ARB2A: variants seen among roughly 807,000 people sequenced by gnomAD.
The protein encoded by ARB2A is cotranscriptional regulator ARB2A.
the ARB2A span, among the ~76,000 whole-genome samples, chr5:94,035,501 T>C: frequency 1.3e-5 from 2 of 152,180 alleles, no homozygotes; most frequent in African/African-American, 4.8e-5. Context: ...ATTGCACCAC[T>C]ATCAATGTAA....
At chr5:93,687,786 T>A in the ARB2A span, among the ~76,000 whole-genome samples, 9 of 152,036 alleles carry the variant, frequency 5.9e-5, no homozygotes, top group Non-Finnish European at 1.3e-4. Flanking sequence ...TCACTTGAAT[T>A]TTTTTTAGAA....
At chr5:94,063,440 C>T in the ARB2A span, among the ~76,000 whole-genome samples, 3 of 152,212 alleles carry the variant, frequency 2.0e-5, no homozygotes, top group Non-Finnish European at 4.4e-5. Flanking sequence ...AGTCCTACTA[C>T]TGCTACTACC....
At chr5:93,769,638 C>T in the ARB2A span, among the ~76,000 whole-genome samples, 2 of 152,136 alleles carry the variant, frequency 1.3e-5, no homozygotes, top group Non-Finnish European at 2.9e-5. Context: ...AATGTTGATG[C>T]CAGCTTCTAA....
At chr5:93,758,604 T>C in the ARB2A span, among the ~76,000 whole-genome samples, 1 of 152,136 alleles carries the variant, frequency 6.6e-6, no homozygotes, top group East Asian at 1.9e-4. Context: ...TTCAAAACCA[T>C]GCAAATACAT....
chr5:94,056,562 A>T, the ARB2A span, among the ~76,000 whole-genome samples: 2 of 152,200 alleles, frequency 1.3e-5, no homozygotes, highest in African/African-American at 2.4e-5. Flanking sequence ...TATAACCTAA[A>T]TATGCATCAG....
the ARB2A span, among the ~76,000 whole-genome samples, chr5:93,947,942 T>G: frequency 6.6e-6 from 1 of 152,056 alleles, no homozygotes; most frequent in African/African-American, 2.4e-5. Context: ...TTCCAAGTCT[T>G]TGCTATTGTG....
chr5:93,875,143 C>T, the ARB2A span, among the ~76,000 whole-genome samples: 1 of 152,228 alleles, frequency 6.6e-6, no homozygotes, highest in East Asian at 1.9e-4. Context: ...CATCATTCTA[C>T]TTTTCAGACA....
chr5:93,746,619 T>A, the ARB2A span, among the ~76,000 whole-genome samples: 1 of 152,108 alleles, frequency 6.6e-6, no homozygotes, highest in South Asian at 2.1e-4. Context: ...ATGACACAAA[T>A]ATGACACAAC....
the ARB2A span, among the ~76,000 whole-genome samples, chr5:93,808,121 G>A: frequency 6.6e-6 from 1 of 151,920 alleles, no homozygotes; most frequent in African/African-American, 2.4e-5. Context: ...AAAACCTTAC[G>A]GCTATATCGG....
the ARB2A span, among the ~76,000 whole-genome samples, chr5:93,649,102 C>A: frequency 6.6e-6 from 1 of 152,090 alleles, no homozygotes; most frequent in South Asian, 2.1e-4. Context: ...TGGAACATAT[C>A]TTTTCAGATT....
chr5:93,714,999 G>T, the ARB2A span, among the ~76,000 whole-genome samples: 1 of 152,102 alleles, frequency 6.6e-6, no homozygotes, highest in African/African-American at 2.4e-5. Flanking sequence ...AAAAATTTAG[G>T]TTCTTGCCTA....
chr5:93,681,868 C>G, the ARB2A span, among the ~76,000 whole-genome samples: 10 of 152,192 alleles, frequency 6.6e-5, no homozygotes, highest in African/African-American at 2.2e-4. Flanking sequence ...CATTTACAAA[C>G]CAAATACAGA....
the ARB2A span, among the ~76,000 whole-genome samples, chr5:93,795,054 T>G: frequency 1.3e-5 from 2 of 151,484 alleles, no homozygotes; most frequent in Non-Finnish European, 2.9e-5. Context: ...CCAGGGTGAG[T>G]AGAGAAGGAC....
the ARB2A span, among the ~76,000 whole-genome samples, chr5:93,769,200 A>C: frequency 6.6e-6 from 1 of 152,162 alleles, no homozygotes; most frequent in Admixed American, 6.5e-5. Context: ...CACTGCTATC[A>C]CTGTGAAACT....
At chr5:93,860,249 T>C in the ARB2A span, among the ~76,000 whole-genome samples, 1 of 152,094 alleles carries the variant, frequency 6.6e-6, no homozygotes, top group Non-Finnish European at 1.5e-5. Context: ...GCCAAGATCG[T>C]GCCACTGCAC....
chr5:93,821,276 G>A, the ARB2A span, among the ~76,000 whole-genome samples: 105 of 152,114 alleles, frequency 6.9e-4, no homozygotes, highest in African/African-American at 2.4e-3. Flanking sequence ...CAAACACGAC[G>A]CTACAAACTA....
At chr5:93,748,912 G>C in the ARB2A span, among the ~76,000 whole-genome samples, 2 of 152,092 alleles carry the variant, frequency 1.3e-5, no homozygotes, top group South Asian at 4.1e-4. Flanking sequence ...TTATGGTATG[G>C]TTTAACCATA....
chr5:94,102,512 A>T, the ARB2A span, among the ~76,000 whole-genome samples: 2 of 152,166 alleles, frequency 1.3e-5, no homozygotes, highest in African/African-American at 4.8e-5. Context: ...TCTCCAAAAA[A>T]CATGGGATTA....
At chr5:93,696,584 G>A in the ARB2A span, among the ~76,000 whole-genome samples, 6 of 152,258 alleles carry the variant, frequency 3.9e-5, no homozygotes, top group South Asian at 1.2e-3. Context: ...GAGCATGAAT[G>A]GGGATGTTAT....
Sources: allele counts gnomAD v4.1 joint callset (sites outside exome capture counted in the v4.1 genomes callset), GRCh38; gene constraint gnomAD v4.1.1; transcripts MANE v1.5; gene names NCBI Gene and HGNC (gene_info 2026-07-23, HGNC 2026-07-21).